GAS2L3: variants seen among roughly 807,000 people sequenced by gnomAD.
GAS2L3 encodes GAS2-like protein 3.
In GAS2L3, 28 loss-of-function variants were observed where a neutral mutation model predicts 37.0. The ratio of observed to expected loss-of-function variants is 0.76; its 90% CI spans 0.56 to 1.04. The LOEUF is 1.04. Ranked by LOEUF, GAS2L3 falls within the 50% of genes least tolerant of loss-of-function variation. GAS2L3 has a pLI of 0.00. For synonymous variants in GAS2L3, 290 were observed against 296.6 expected, an observed-to-expected ratio of 0.98 and a Z score of 0.23; for missense variants, 793 against 817.6, an observed-to-expected ratio of 0.97 and a Z score of 0.37.
intron 5 of GAS2L3, among the ~76,000 whole-genome samples, chr12:100,609,913 G>A (rs1956105811): frequency 6.6e-6 from 1 of 152,176 alleles, no homozygotes; most frequent in South Asian, 2.1e-4. Flanking sequence ...TGTGGTTGCT[G>A]CTGGAAGATG....
rs937192346 is a variant in GAS2L3, at chr12:100,598,344, C to T, written c.19-2038C>T. ...TTACCTTGATACTTTTGAATATTCCCGACCACTTATTTTGTAGAATGTCCC... is the reference window on the plus strand; with the variant it reads ...TTACCTTGATACTTTTGAATATTCCTGACCACTTATTTTGTAGAATGTCCC... On this transcript the variant is annotated intron_variant, in intron 3 of 9. Transcript: ENST00000547754. Among the ~76,000 whole-genome samples the T allele has an allele frequency of 3.9e-5, 6 of 152,102 alleles. No individual in the cohort carries two copies. The South Asian group carries it at 8.3e-4, about 21-fold the overall frequency.
chr12:100,608,705 A>G (rs1956088882), intron 5 of GAS2L3, among the ~76,000 whole-genome samples: 1 of 151,922 alleles, frequency 6.6e-6, no homozygotes, highest in Admixed American at 6.6e-5. Context: ...TTGTATTTTT[A>G]GTAGAGACGG....
At chr12:100,578,784 C>T (rs1460973331) in intron 1 of GAS2L3, 2 of 601,384 alleles carry the variant, frequency 3.3e-6, no homozygotes, top group Non-Finnish European at 6.2e-6. Flanking sequence ...CAGCCTCCCT[C>T]AGCTACACTG....
At chr12:100,579,471 G>A (rs970787681) in intron 1 of GAS2L3, 2 of 776,638 alleles carry the variant, frequency 2.6e-6, no homozygotes. Context: ...AATTTGGTTA[G>A]TGGTATTATA....
intron 4 of GAS2L3, among the ~76,000 whole-genome samples, chr12:100,600,852 AT>A (rs979181105): frequency 1.4e-4 from 21 of 147,722 alleles, no homozygotes; most frequent in African/African-American, 3.0e-4. Flanking sequence ...TATTGGTCTA[AT>A]TTTTTTTTTT....
chr12:100,589,587 T>C (rs1285600374), intron 1 of GAS2L3, among the ~76,000 whole-genome samples: 3 of 152,106 alleles, frequency 2.0e-5, no homozygotes, highest in African/African-American at 7.2e-5. Context: ...AAAATTCATA[T>C]GGAACCAAAA....
intron 3 of GAS2L3, among the ~76,000 whole-genome samples, chr12:100,595,276 T>C (rs1451830771): frequency 6.6e-6 from 1 of 151,974 alleles, no homozygotes; most frequent in African/African-American, 2.4e-5. Context: ...TACAATTTAG[T>C]ATGTATTTAC....
At chr12:100,622,780 A>AAAG (rs1956274976) in intron 9 of GAS2L3, among the ~76,000 whole-genome samples, 1 of 128,156 alleles carries the variant, frequency 7.8e-6, no homozygotes, top group African/African-American at 2.8e-5. Context: ...AAAAAAAAAA[A>AAAG]AAGAAAAGAA....
intron 1 of GAS2L3, chr12:100,578,559 T>A (rs35710): frequency 0.48 from 81,294 of 170,436 alleles, 20,234 homozygotes; most frequent in East Asian, 0.68. Flanking sequence ...TTGTATATCA[T>A]ATTTTGGATA....
chr12:100,617,650 T>A lies in GAS2L3; in HGVS notation c.446-94T>A, dbSNP rs1403956978. ...TAAACAAGTAAACCTGCTGTCTTCA[T>A]TATTCTTTTTTATTTAACTCTCTTC... On this transcript the variant is annotated intron_variant, in intron 6 of 9. Coordinates refer to ENST00000547754, the MANE Select transcript of GAS2L3 (RefSeq NM_174942.3). 24 of 783,042 alleles carry A rather than the reference T, an allele frequency of 3.1e-5. No homozygotes were observed. The East Asian group carries it at 5.8e-4, about 19-fold the overall frequency. 48.5% of individuals were successfully genotyped at this position (783,042 alleles called of 1,614,324 possible).
intron 3 of GAS2L3, among the ~76,000 whole-genome samples, chr12:100,597,715 CA>C (rs1331490359): frequency 9.5e-5 from 14 of 147,692 alleles, no homozygotes; most frequent in Admixed American, 6.1e-4. Flanking sequence ...GGGTTAAAAA[CA>C]AAAAAAAAAC....
In GAS2L3 at chr12:100,625,598, T is replaced by C. The variant is rs1956324689; in HGVS notation, c.*708T>C. The C allele has an allele frequency of 6.6e-6, 1 of 152,228 alleles. No homozygotes were observed. Among genetic ancestry groups the C allele is most frequent in the African/African-American group, 2.4e-5 (1 of 41,470 alleles). 9.4% of individuals were successfully genotyped at this position (152,228 alleles called of 1,614,324 possible). A position where few individuals can be genotyped will look rare whatever the true frequency, so the allele number is the denominator to read the frequency against. On this transcript the variant is annotated 3_prime_UTR_variant, in exon 10 of 10. Coordinates refer to ENST00000547754, the MANE Select transcript of GAS2L3 (RefSeq NM_174942.3). ...AACTTACTGAAATATAAACAAATTT[T>C]GTAAACAATTTTTTATATTATCTAT...
intron 3 of GAS2L3, among the ~76,000 whole-genome samples, chr12:100,597,962 G>GT (rs1037517342): frequency 2.6e-5 from 4 of 151,668 alleles, no homozygotes; most frequent in African/African-American, 7.3e-5. Flanking sequence ...TAAAAGTTTG[G>GT]TTTTTTTAAA....
chr12:100,590,427 G>A (rs1395893294), intron 1 of GAS2L3, among the ~76,000 whole-genome samples: 1 of 152,170 alleles, frequency 6.6e-6, no homozygotes, highest in Admixed American at 6.5e-5. Context: ...ATAGATGTTG[G>A]CATGGATGCG....
intron 5 of GAS2L3, among the ~76,000 whole-genome samples, chr12:100,607,818 T>C (rs1205235423): frequency 2.0e-5 from 3 of 152,156 alleles, no homozygotes; most frequent in Admixed American, 6.5e-5. Context: ...TAGTATTCTT[T>C]CTCTGTGTTA....
At chr12:100,607,095 ATTTC>A (rs1956066584) in intron 5 of GAS2L3, among the ~76,000 whole-genome samples, 1 of 152,110 alleles carries the variant, frequency 6.6e-6, no homozygotes, top group Admixed American at 6.6e-5. Context: ...TCACTTTAGC[ATTTC>A]TTGTAGGATG....
At chr12:100,602,018 G>A (rs1955996502) in intron 5 of GAS2L3, among the ~76,000 whole-genome samples, 1 of 152,072 alleles carries the variant, frequency 6.6e-6, no homozygotes, top group Non-Finnish European at 1.5e-5. Flanking sequence ...ATTTATTTGT[G>A]AGAGTTCAAT....
rs1337114724 is a variant in GAS2L3 at position 100,627,348 on chromosome 12, C to T, written c.*2458C>T. On this transcript the variant is annotated 3_prime_UTR_variant, in exon 10 of 10. Coordinates refer to ENST00000547754, the MANE Select transcript of GAS2L3 (RefSeq NM_174942.3). ...GGAGTGCAGTGGCACAATCTCAGCT[C>T]ATTGCAACCTCTGCCTCCTGGGTTC... The T allele has an allele frequency of 6.6e-6, 1 of 151,862 alleles. No individual in the cohort carries two copies. The highest frequency in any genetic ancestry group is 1.5e-5 in the Non-Finnish European group (1 of 68,044). 9.4% of individuals were successfully genotyped at this position (151,862 alleles called of 1,614,324 possible).
In GAS2L3 at chr12:100,627,782, A is replaced by G. The variant is rs1956346238; in HGVS notation, c.*2892A>G. On this transcript the variant is annotated 3_prime_UTR_variant, in exon 10 of 10. Transcript: ENST00000547754. ...TTCTTTTTTGTGTTTAATGTTTAAT[A>G]AAACGAGTATTAAGCTTAAATTACT... The G allele has an allele frequency of 6.6e-6, 1 of 152,244 alleles. No individual in the cohort carries two copies. The highest frequency in any genetic ancestry group is 1.5e-5 in the Non-Finnish European group (1 of 68,046). The allele number at this position is 152,244 out of a possible 1,614,324, so 9.4% of individuals were successfully genotyped here.
Sources: allele counts gnomAD v4.1 joint callset (sites outside exome capture counted in the v4.1 genomes callset), GRCh38; gene constraint gnomAD v4.1.1; transcripts MANE v1.5; gene names NCBI Gene and HGNC (gene_info 2026-07-23, HGNC 2026-07-21).